PCDH15: variants seen among roughly 807,000 people sequenced by gnomAD.
PCDH15 encodes protocadherin-15.
A neutral mutation model predicts 178.5 loss-of-function variants in PCDH15; 129 were observed. That is an observed-to-expected ratio of 0.72 (90% CI 0.63 to 0.84). The LOEUF (loss-of-function observed/expected upper bound fraction) is 0.84, where lower values mean the gene tolerates loss of function less well. Among genes scored for constraint, PCDH15 ranks in the 40% least tolerant of loss-of-function variants. PCDH15 has a pLI of 0.00. For missense variants in PCDH15, 2,230 were observed against 2,099.9 expected (o/e 1.06, Z -1.21); for synonymous variants, 800 against 732.0 (o/e 1.09, Z -1.50).
chr10:55,373,076 A>G (rs1845545458), intron 2 of PCDH15, among the ~76,000 whole-genome samples: 1 of 152,150 alleles, frequency 6.6e-6, no homozygotes, highest in South Asian at 2.1e-4. Context: ...AGCAAGAACC[A>G]AAGCCATAGA....
At chr10:53,814,378 ATTTTC>A (rs2075985237) in intron 35 of PCDH15, among the ~76,000 whole-genome samples, 1 of 152,130 alleles carries the variant, frequency 6.6e-6, no homozygotes, top group South Asian at 2.1e-4. Flanking sequence ...GCATCAAAGA[ATTTTC>A]TTTACATAAA....
chr10:55,025,150 T>A lies in PCDH15; in HGVS notation c.-79-127650A>T, dbSNP rs1035943422. 8.0e-5 allele frequency among the ~76,000 whole-genome samples: 12 copies of A among 150,510 alleles called. No individual in the cohort carries two copies. In the South Asian group the frequency reaches 2.3e-3, roughly 29 times the overall value. On this transcript the variant is annotated intron_variant, in intron 2 of 5. Transcript: ENST00000458638. ...CCCAATTCTAGTAGTTCTGTGTACG[T>A]ATGCATGTGTGTGTGACTGTATATG...
intron 1 of PCDH15, among the ~76,000 whole-genome samples, chr10:54,674,820 T>A (rs536318326): frequency 2.6e-5 from 4 of 152,130 alleles, no homozygotes; most frequent in African/African-American, 9.6e-5. Context: ...AAACTCATGT[T>A]GTCCAAGGGT....
rs1184818979 is a variant in PCDH15, at chr10:55,338,001, C to G, written c.-155-171350G>C. On this transcript the variant is annotated intron_variant, in intron 2 of 5. Coordinates refer to the PCDH15 transcript ENST00000613346. ...CTAATTAAAAAATAGCAAAAGATCT[C>G]TAGACATTTATCAAAAGAAGAGATA... Among the ~76,000 whole-genome samples the G allele has an allele frequency of 2.6e-5, 4 of 151,932 alleles. No individual in the cohort carries two copies. In the East Asian group the frequency reaches 5.8e-4, roughly 22 times the overall value.
At chr10:54,228,249 T>C (rs7906179) in intron 9 of PCDH15, among the ~76,000 whole-genome samples, 8,315 of 152,188 alleles carry the variant, frequency 0.055, 565 homozygotes, top group African/African-American at 0.17. Flanking sequence ...CTGAGGAAGC[T>C]TTACAATCAT....
chr10:54,292,594 T>C (rs368294920), intron 8 of PCDH15, among the ~76,000 whole-genome samples: 11 of 152,294 alleles, frequency 7.2e-5, no homozygotes, highest in Non-Finnish European at 1.5e-4. Context: ...GCCCAAAAAT[T>C]CCTTAATCTG....
chr10:54,599,489 CAT>C (rs1340137562), intron 2 of PCDH15, among the ~76,000 whole-genome samples: 4 of 152,026 alleles, frequency 2.6e-5, no homozygotes, highest in African/African-American at 9.7e-5. Context: ...TTCCTTACAT[CAT>C]ATACAAAAAT....
chr10:54,153,394 A>AG, intron 13 of PCDH15, 101 bp from the exon 14 acceptor site: 1 of 1,342,686 alleles, frequency 7.4e-7, no homozygotes, highest in Non-Finnish European at 1.1e-6. Context: ...AAAGAAAAAA[A>AG]CACAGGAAAG....
intron 2 of PCDH15, among the ~76,000 whole-genome samples, chr10:54,913,953 G>A (rs1954861397): frequency 6.6e-6 from 1 of 152,128 alleles, no homozygotes; most frequent in Non-Finnish European, 1.5e-5. Flanking sequence ...TAACTATCTT[G>A]TTTTTGATTA....
chr10:53,817,940 AC>A (rs2076124833), intron 34 of PCDH15, 54 bp downstream of exon 34: 1 of 398,546 alleles, frequency 2.5e-6, no homozygotes, highest in South Asian at 1.3e-4. Context: ...CTTGCCTATT[AC>A]ACAAGTATTT....
chr10:55,501,761 G>A (rs1004461807), intron 2 of PCDH15, among the ~76,000 whole-genome samples: 3 of 151,640 alleles, frequency 2.0e-5, no homozygotes, highest in Non-Finnish European at 4.4e-5. Flanking sequence ...TCAGTGAAGA[G>A]GCATTGTTTA....
Position 53,827,462 on chromosome 10 carries a change from G to A in PCDH15, c.4298C>T (p.Ala1433Val), listed in dbSNP as rs2076758655. The A allele has an allele frequency of 1.2e-6, 2 of 1,613,720 alleles. No individual in the cohort carries two copies. Among genetic ancestry groups the A allele is most frequent in the South Asian group, 2.2e-5 (2 of 91,086 alleles). ...KPAVPAPAPV[A>V]APPPPPPPPP... ...AGGCGGCGGCGGCGGCGGGGGCGCT[G>A]CCACTGGTGCAGGAGCCGGCACTGC... The change falls in exon 32 of 38, where the codon GCA becomes GTA. Residue 1433 changes from alanine to valine, a missense_variant. By Grantham distance (64) the Ala-to-Val change is moderately conservative. Transcript: ENST00000644397.
At chr10:54,253,259 A>C (rs2056641311) in intron 8 of PCDH15, among the ~76,000 whole-genome samples, 1 of 152,088 alleles carries the variant, frequency 6.6e-6, no homozygotes, top group Non-Finnish European at 1.5e-5. Context: ...TTGAACCTTC[A>C]ATATAGGCGA....
chr10:54,057,440 G>A (rs544150712), intron 18 of PCDH15, among the ~76,000 whole-genome samples: 15 of 152,284 alleles, frequency 9.9e-5, no homozygotes, highest in East Asian at 1.9e-4. Context: ...TGTGGAAGCC[G>A]CCAAGACTTG....
Position 54,458,616 on chromosome 10 carries a change from A to G in PCDH15, c.157+69196T>C, listed in dbSNP as rs566033851. The stretch of plus-strand genomic sequence containing the variant: ...CCTATGGCTAATAGTTTATATAAAC[A>G]TCTATCATAGCTTATGTTTTTAGTT... On this transcript the variant is annotated intron_variant, in intron 3 of 37. Coordinates refer to ENST00000644397, the MANE Select transcript of PCDH15 (RefSeq NM_001384140.1). Among the ~76,000 whole-genome samples the G allele has an allele frequency of 7.2e-5, 11 of 152,236 alleles. No homozygotes were observed. The South Asian group carries it at 2.1e-3, about 29-fold the overall frequency.
chr10:53,977,429 G>A (rs1297478906), intron 21 of PCDH15, among the ~76,000 whole-genome samples: 3 of 152,222 alleles, frequency 2.0e-5, no homozygotes, highest in African/African-American at 7.2e-5. Flanking sequence ...TGGGCCATGA[G>A]TTCGACAAGC....
At chr10:54,796,261 T>G (rs1478385161) in intron 1 of PCDH15, among the ~76,000 whole-genome samples, 2 of 111,404 alleles carry the variant, frequency 1.8e-5, no homozygotes, top group Admixed American at 1.8e-4. Flanking sequence ...TATCTATCTA[T>G]CTATCTATCT....
intron 10 of PCDH15, among the ~76,000 whole-genome samples, chr10:54,199,752 T>A (rs1309611619): frequency 1.3e-5 from 2 of 151,978 alleles, no homozygotes; most frequent in Non-Finnish European, 2.9e-5. Context: ...AACACCTCAG[T>A]TGGAATAAGG....
At chr10:54,095,493 A>G (rs1367728374) in intron 15 of PCDH15, among the ~76,000 whole-genome samples, 1 of 152,062 alleles carries the variant, frequency 6.6e-6, no homozygotes, top group African/African-American at 2.4e-5. Context: ...CTAAATCTAC[A>G]ATGACAAAAA....
Sources: gnomAD v4.1 joint callset for allele counts (sites outside exome capture counted in the v4.1 genomes callset) on GRCh38, gnomAD v4.1.1 for gene constraint, MANE v1.5 for transcripts, NCBI Gene and HGNC (gene_info 2026-07-23, HGNC 2026-07-21) for gene names.